Variants in FRMD5 observed in about 807,000 individuals in gnomAD.
FRMD5 encodes FERM domain containing 5.
FRMD5 carries 20 observed loss-of-function variants against 69.0 expected under a neutral mutation model. The observed-to-expected ratio is 0.29, with a 90% CI of 0.20 to 0.42. The LOEUF (loss-of-function observed/expected upper bound fraction) is 0.42. Among genes scored for constraint, FRMD5 ranks in the 10% least tolerant of loss-of-function variants. The pLI, the probability that FRMD5 is intolerant of heterozygous loss-of-function variation, is 1.00. For synonymous variants in FRMD5, 271 were observed against 260.1 expected (o/e 1.04, Z -0.40); for missense variants, 595 against 708.6 (o/e 0.84, Z 1.82).
chr15:43,951,992 GTGTGTGTC>G lies in FRMD5; in HGVS notation c.103-27691_103-27684del, dbSNP rs1388860841. On this transcript the variant is annotated intron_variant, in intron 1 of 13. Coordinates refer to ENST00000417257, the MANE Select transcript of FRMD5 (RefSeq NM_032892.5). ...GTGTGTGTGTGTGTTGTGTGTGTGTGTGTGTGTCTGTGTGTGTGTGTGTGTGTGTGTGT... is the reference window on the plus strand; with the variant it reads ...GTGTGTGTGTGTGTTGTGTGTGTGTGTGTGTGTGTGTGTGTGTGTGTGTGT... Among the ~76,000 whole-genome samples, 374 of 104,108 alleles carry G rather than the reference GTGTGTGTC, an allele frequency of 3.6e-3. 4 individuals are homozygous for G. Among genetic ancestry groups the G allele is most frequent in the Admixed American group, 0.014 (136 of 10,028 alleles). 68.3% of individuals were successfully genotyped at this position (104,108 alleles called of 152,430 possible).
chr15:44,174,226 AT>A (rs1178710584), intron 1 of FRMD5, among the ~76,000 whole-genome samples: 1 of 152,148 alleles, frequency 6.6e-6, no homozygotes, highest in African/African-American at 2.4e-5. Context: ...CACTCTGGTA[AT>A]TTCTAGAAAA....
At chr15:43,882,194 T>G (rs946460528) in intron 13 of FRMD5, among the ~76,000 whole-genome samples, 1 of 152,140 alleles carries the variant, frequency 6.6e-6, no homozygotes, top group Non-Finnish European at 1.5e-5. Flanking sequence ...ACCCAGAGAA[T>G]AGATTGTTGG....
chr15:43,971,420 T>C (rs2140577808), intron 1 of FRMD5, among the ~76,000 whole-genome samples: 1 of 152,022 alleles, frequency 6.6e-6, no homozygotes, highest in African/African-American at 2.4e-5. Context: ...AATTTCTGCC[T>C]GGTGCGGTGG....
chr15:43,893,134 A>AC (rs1049626208), intron 7 of FRMD5, among the ~76,000 whole-genome samples: 50 of 151,652 alleles, frequency 3.3e-4, no homozygotes, highest in East Asian at 2.5e-3. Flanking sequence ...AAAACAAAAA[A>AC]AAAAAAAAAC....
intron 1 of FRMD5, among the ~76,000 whole-genome samples, chr15:44,170,756 T>C (rs2733213): frequency 0.12 from 19,013 of 152,146 alleles, 2,085 homozygotes; most frequent in African/African-American, 0.3. Flanking sequence ...CACTGGCTTT[T>C]GTCTGCTACT....
At chr15:43,924,093 G>A in intron 2 of FRMD5, 112 bp downstream of exon 2, 1 of 819,004 alleles carries the variant, frequency 1.2e-6, no homozygotes, top group South Asian at 1.5e-5. Flanking sequence ...CAACTGCAGG[G>A]TCTGGTTGGT....
intron 11 of FRMD5, 129 bp downstream of exon 11, chr15:43,885,552 A>G (rs1233000415): frequency 1.4e-6 from 1 of 740,552 alleles, no homozygotes; most frequent in Non-Finnish European, 2.4e-6. Flanking sequence ...AGATGGGAGA[A>G]TTAGATGGAG....
Position 44,078,082 on chromosome 15 carries a change from T to A in FRMD5, c.102+116871A>T, listed in dbSNP as rs140490070. 4.8e-3 allele frequency among the ~76,000 whole-genome samples: 734 copies of A among 151,898 alleles called. 12 individuals are homozygous for A. Among genetic ancestry groups the A allele is most frequent in the African/African-American group, 0.017 (703 of 41,446 alleles). Reference sequence around the variant, plus strand: ...TTATTGAGAATGGGTGGGAGGGGAGTCAATCTAAAACCTTTGCTAAAGGCA... The same window carrying A: ...TTATTGAGAATGGGTGGGAGGGGAGACAATCTAAAACCTTTGCTAAAGGCA... On this transcript the variant is annotated intron_variant, in intron 1 of 13. Transcript: ENST00000417257.
At chr15:43,889,009 C>T (rs2088732007) in intron 8 of FRMD5, 137 bp from the exon 9 acceptor site, 1 of 708,406 alleles carries the variant, frequency 1.4e-6, no homozygotes, top group Non-Finnish European at 2.5e-6. Flanking sequence ...AGAACTGAAA[C>T]AAGACAGCAG....
chr15:44,107,682 A>T (rs1395867167), intron 1 of FRMD5, among the ~76,000 whole-genome samples: 2 of 152,252 alleles, frequency 1.3e-5, no homozygotes, highest in Non-Finnish European at 2.9e-5. Context: ...AAAAATGTTA[A>T]TGAGATTTTA....
intron 1 of FRMD5, among the ~76,000 whole-genome samples, chr15:43,970,671 G>A (rs1364400853): frequency 6.6e-6 from 1 of 152,160 alleles, no homozygotes; most frequent in African/African-American, 2.4e-5. Flanking sequence ...TGGCCAGGCT[G>A]ATCTCAAAGT....
intron 1 of FRMD5, among the ~76,000 whole-genome samples, chr15:44,162,417 CTTTATA>C (rs991596694): frequency 2.6e-5 from 4 of 151,986 alleles, no homozygotes; most frequent in African/African-American, 9.7e-5. Flanking sequence ...AACTCTTTGT[CTTTATA>C]TTAATATTTA....
At chr15:44,058,404 T>A (rs1178927946) in intron 1 of FRMD5, among the ~76,000 whole-genome samples, 1 of 152,136 alleles carries the variant, frequency 6.6e-6, no homozygotes, top group East Asian at 1.9e-4. Flanking sequence ...AGTCATGAAA[T>A]GTTCTAAAAT....
At chr15:43,940,045 C>T (rs899741047) in intron 1 of FRMD5, among the ~76,000 whole-genome samples, 3 of 152,256 alleles carry the variant, frequency 2.0e-5, no homozygotes, top group East Asian at 3.9e-4. Flanking sequence ...GGCTTGGTAG[C>T]GGGTGCCTGT....
chr15:44,043,469 G>C (rs1015047341), intron 1 of FRMD5, among the ~76,000 whole-genome samples: 12 of 151,946 alleles, frequency 7.9e-5, no homozygotes, highest in African/African-American at 2.9e-4. Context: ...ATTGCCAAGA[G>C]AATCCTAACA....
intron 13 of FRMD5, 33 bp downstream of exon 13, chr15:43,883,670 C>T (rs2088591687): frequency 2.0e-6 from 3 of 1,485,626 alleles, no homozygotes; most frequent in Admixed American, 3.8e-5. Context: ...ACTTGGAGGA[C>T]CCCAGTGGTC....
At chr15:44,034,781 G>A (rs1891835658) in intron 1 of FRMD5, among the ~76,000 whole-genome samples, 1 of 152,144 alleles carries the variant, frequency 6.6e-6, no homozygotes, top group African/African-American at 2.4e-5. Context: ...GAGGGGGGAA[G>A]AGAAGAGTTA....
chr15:44,034,198 G>A (rs1378158057), intron 1 of FRMD5, among the ~76,000 whole-genome samples: 1 of 152,176 alleles, frequency 6.6e-6, no homozygotes, highest in African/African-American at 2.4e-5. Flanking sequence ...TGCTCCTTAG[G>A]CAGGTGTCTA....
intron 1 of FRMD5, among the ~76,000 whole-genome samples, chr15:43,960,726 C>T (rs2090185357): frequency 6.6e-6 from 1 of 152,098 alleles, no homozygotes; most frequent in South Asian, 2.1e-4. Context: ...ATAATGAAAA[C>T]CAACAGTTCT....
Sources: allele counts gnomAD v4.1 joint callset (sites outside exome capture counted in the v4.1 genomes callset), GRCh38; gene constraint gnomAD v4.1.1; transcripts MANE v1.5; gene names NCBI Gene and HGNC (gene_info 2026-07-23, HGNC 2026-07-21).